Variants in CPQ observed in about 807,000 individuals in gnomAD.
CPQ encodes Ser-Met dipeptidase.
In CPQ, 37 loss-of-function variants were observed where a neutral mutation model predicts 45.7. That is an observed-to-expected ratio of 0.81 (90% CI 0.62 to 1.07). The LOEUF is 1.07. CPQ is among the 50% of genes least tolerant of loss of function. The pLI is 0.00. For missense variants in CPQ, 537 were observed against 572.9 expected (o/e 0.94, Z 0.64); for synonymous variants, 186 against 205.8 (o/e 0.90, Z 0.82).
chr8:96,748,645 C>G (rs940637982), intron 1 of CPQ, among the ~76,000 whole-genome samples: 1 of 151,982 alleles, frequency 6.6e-6, no homozygotes, highest in Non-Finnish European at 1.5e-5. Flanking sequence ...TAACTGTTTG[C>G]TACCTCTTTC....
chr8:96,681,781 A>T (rs1809155896), intron 1 of CPQ, among the ~76,000 whole-genome samples: 1 of 152,228 alleles, frequency 6.6e-6, no homozygotes, highest in Non-Finnish European at 1.5e-5. Flanking sequence ...CTGCAAAGCC[A>T]CAGAGGCAGA....
chr8:97,087,122 G>A (rs940709661), intron 7 of CPQ, among the ~76,000 whole-genome samples: 5 of 152,126 alleles, frequency 3.3e-5, no homozygotes, highest in East Asian at 1.9e-4. Context: ...TTGCCCCTCC[G>A]GTGGTGGTAA....
chr8:96,875,099 T>C (rs1812128760), intron 3 of CPQ, among the ~76,000 whole-genome samples: 1 of 151,948 alleles, frequency 6.6e-6, no homozygotes, highest in African/African-American at 2.4e-5. Flanking sequence ...CAGCATCTTT[T>C]CATGTAATTA....
chr8:96,974,705 A>G (rs981855148), intron 5 of CPQ, among the ~76,000 whole-genome samples: 20 of 152,170 alleles, frequency 1.3e-4, no homozygotes, highest in African/African-American at 4.8e-4. Context: ...ATCAACTCCA[A>G]GAGGAACCCT....
chr8:96,926,862 G>A (rs1164058792), intron 4 of CPQ, among the ~76,000 whole-genome samples: 1 of 151,954 alleles, frequency 6.6e-6, no homozygotes, highest in Non-Finnish European at 1.5e-5. Context: ...AGTGTGTGAT[G>A]TTCCCCTCCC....
intron 4 of CPQ, among the ~76,000 whole-genome samples, chr8:96,926,162 A>G (rs1159401212): frequency 6.6e-6 from 1 of 152,198 alleles, no homozygotes; most frequent in Non-Finnish European, 1.5e-5. Flanking sequence ...GTTACTCTGA[A>G]GATCAACTAG....
intron 7 of CPQ, among the ~76,000 whole-genome samples, chr8:97,098,425 A>T (rs1022044419): frequency 6.6e-6 from 1 of 152,064 alleles, no homozygotes; most frequent in Non-Finnish European, 1.5e-5. Flanking sequence ...CTTCAGAGAG[A>T]GGTCATACTC....
chr8:96,724,977 C>T (rs751155546), intron 1 of CPQ, among the ~76,000 whole-genome samples: 4 of 152,048 alleles, frequency 2.6e-5, no homozygotes, highest in East Asian at 3.8e-4. Context: ...AAATAAACAA[C>T]GGGGAAAGAA....
intron 4 of CPQ, among the ~76,000 whole-genome samples, chr8:96,946,838 C>T (rs1256685852): frequency 1.3e-5 from 2 of 152,130 alleles, no homozygotes; most frequent in Non-Finnish European, 2.9e-5. Flanking sequence ...GTGGCCAGCT[C>T]TTATCACTCA....
intron 7 of CPQ, chr8:97,133,347 T>C (rs1811992861): frequency 1.3e-5 from 2 of 152,316 alleles, no homozygotes; most frequent in Non-Finnish European, 2.9e-5. Flanking sequence ...TGGTGATCAG[T>C]TTGTTCAGTG....
At chr8:96,809,778 G>C (rs1307986034) in intron 2 of CPQ, among the ~76,000 whole-genome samples, 1 of 151,964 alleles carries the variant, frequency 6.6e-6, no homozygotes, top group Non-Finnish European at 1.5e-5. Flanking sequence ...GGTAAAAATA[G>C]TTCCCTCATG....
Position 96,896,913 on chromosome 8 carries a change from T to G in CPQ, c.849+16908T>G, listed in dbSNP as rs114734402. On this transcript the variant is annotated intron_variant, in intron 4 of 7. Coordinates refer to ENST00000220763, the MANE Select transcript of CPQ (RefSeq NM_016134.4). ...TTAAACTGGACTAGAAATTTAAGAT[T>G]GTTATGGGTTTCTAGTCTAGGAAAC... 2.0e-5 allele frequency among the ~76,000 whole-genome samples: 3 copies of G among 152,142 alleles called. 1 individual carries two copies.
At chr8:96,977,606 T>C (rs1430764533) in intron 5 of CPQ, among the ~76,000 whole-genome samples, 2 of 151,868 alleles carry the variant, frequency 1.3e-5, no homozygotes, top group Non-Finnish European at 2.9e-5. Flanking sequence ...CATCAATCAA[T>C]GATGGGTATA....
At chr8:97,053,730 CT>C (rs1404173645) in intron 6 of CPQ, among the ~76,000 whole-genome samples, 3 of 152,174 alleles carry the variant, frequency 2.0e-5, no homozygotes, top group Non-Finnish European at 4.4e-5. Context: ...TCTGAATCAA[CT>C]TTCTAAAATA....
chr8:96,849,288 A>G (rs1007432207), intron 3 of CPQ, among the ~76,000 whole-genome samples: 2 of 152,220 alleles, frequency 1.3e-5, no homozygotes, highest in Non-Finnish European at 2.9e-5. Context: ...ATTAATGAGG[A>G]TTGGATACCT....
At chr8:96,916,931 A>G (rs961928510) in intron 4 of CPQ, among the ~76,000 whole-genome samples, 1 of 152,164 alleles carries the variant, frequency 6.6e-6, no homozygotes, top group Non-Finnish European at 1.5e-5. Context: ...TGCCATTCTC[A>G]TCATCACATC....
chr8:96,658,170 T>A (rs1815659573), intron 1 of CPQ, among the ~76,000 whole-genome samples: 1 of 152,222 alleles, frequency 6.6e-6, no homozygotes, highest in Admixed American at 6.5e-5. Context: ...GGAGGTATCA[T>A]AAACACCAAC....
chr8:96,814,112 A>AT (rs1811195207), intron 2 of CPQ, among the ~76,000 whole-genome samples: 1 of 152,162 alleles, frequency 6.6e-6, no homozygotes. Context: ...GGGGGGCATT[A>AT]TTCTGTCCAC....
chr8:96,744,164 G>A (rs1457853164), intron 1 of CPQ, among the ~76,000 whole-genome samples: 1 of 152,278 alleles, frequency 6.6e-6, no homozygotes, highest in Non-Finnish European at 1.5e-5. Context: ...CCAGGTGCGG[G>A]ATATAATCTC....
Sources: gnomAD v4.1 joint callset for allele counts (sites outside exome capture counted in the v4.1 genomes callset) on GRCh38, gnomAD v4.1.1 for gene constraint, MANE v1.5 for transcripts, NCBI Gene and HGNC (gene_info 2026-07-23, HGNC 2026-07-21) for gene names.